Variants in QTRT2 observed in about 807,000 individuals in gnomAD.
QTRT2 encodes queuine tRNA-ribosyltransferase accessory subunit 2, also known as queuine tRNA-ribosyltransferase domain containing 1.
QTRT2 carries 32 observed loss-of-function variants against 44.8 expected under a neutral mutation model. The observed-to-expected ratio is 0.71, with a 90% CI of 0.54 to 0.96. The LOEUF is 0.96. Among genes scored for constraint, QTRT2 ranks in the 40% least tolerant of loss-of-function variants. The pLI is 0.00. For missense variants in QTRT2, 461 were observed against 503.1 expected (o/e 0.92, Z 0.80); for synonymous variants, 182 against 187.4 (o/e 0.97, Z 0.24).
intron 5 of QTRT2, 186 bp downstream of exon 5, chr3:114,068,249 AG>A: frequency 3.7e-6 from 2 of 534,204 alleles, no homozygotes; most frequent in Non-Finnish European, 6.8e-6. Flanking sequence ...GATGAGGTTA[AG>A]ATGAAGAACA....
chr3:114,070,462 G>A (rs2077009850), intron 5 of QTRT2, among the ~76,000 whole-genome samples, 164 bp from the exon 6 acceptor site: 1 of 152,048 alleles, frequency 6.6e-6, no homozygotes, highest in South Asian at 2.1e-4. Flanking sequence ...GACCACTGAA[G>A]GATTATCTGT....
At chr3:114,076,609 C>T in intron 6 of QTRT2, 134 bp from the exon 7 acceptor site, 1 of 734,430 alleles carries the variant, frequency 1.4e-6, no homozygotes, top group Non-Finnish European at 2.3e-6. Flanking sequence ...GGAGGGAGCA[C>T]CATCCCCTTT....
At position 114,058,168 on chromosome 3, in the gene QTRT2, C is replaced by T. The variant is rs541273016; in HGVS notation, c.-22+1062C>T. 2.1e-4 allele frequency among the ~76,000 whole-genome samples: 32 copies of T among 152,192 alleles called. No homozygotes were observed. The South Asian group carries it at 2.5e-3, about 12-fold the overall frequency. On this transcript the variant is annotated intron_variant, in intron 2 of 9. Transcript: ENST00000281273. ...CAGTGCTTAATACATAGTAAATACCCGATAAATGTTAGTTGCTATTATTGT... is the reference window on the plus strand; with the variant it reads ...CAGTGCTTAATACATAGTAAATACCTGATAAATGTTAGTTGCTATTATTGT...
chr3:114,076,819 A>G lies in QTRT2; in HGVS notation c.623A>G (p.Glu208Gly). 1 of 1,614,208 alleles carries G rather than the reference A, an allele frequency of 6.2e-7. No individual in the cohort carries two copies. Among genetic ancestry groups the G allele is most frequent in the Non-Finnish European group, 8.5e-7 (1 of 1,180,026 alleles). Residue 208 changes from glutamate (E) to glycine (G), a missense_variant, in exon 7 of 10, where the codon GAG (glutamate) becomes GGG (glycine). Transcript: ENST00000281273. Reference sequence around the variant, plus strand: ...GAAGAGAGGCTGAGGTCAGCACGAGAGACAGCCAAGCGGCCTGTGGGTGGC... The same window carrying G: ...GAAGAGAGGCTGAGGTCAGCACGAGGGACAGCCAAGCGGCCTGTGGGTGGC... ...VMEERLRSAR[E>G]TAKRPVGGFL...
At chr3:114,060,898 A>T (rs2076878592) in intron 2 of QTRT2, among the ~76,000 whole-genome samples, 1 of 152,154 alleles carries the variant, frequency 6.6e-6, no homozygotes, top group African/African-American at 2.4e-5. Context: ...ACAGCTCCTA[A>T]GTAACTAAGG....
At chr3:114,074,408 T>C (rs1201914054) in intron 6 of QTRT2, among the ~76,000 whole-genome samples, 1 of 152,218 alleles carries the variant, frequency 6.6e-6, no homozygotes, top group Non-Finnish European at 1.5e-5. Context: ...GGACAACTAA[T>C]CAGTCAAGTT....
At chr3:114,065,007 T>C (rs1217834536) in intron 2 of QTRT2, among the ~76,000 whole-genome samples, 1 of 152,214 alleles carries the variant, frequency 6.6e-6, no homozygotes, top group Non-Finnish European at 1.5e-5. Context: ...CATGACTAAA[T>C]TTAAAATTAG....
chr3:114,059,001 C>CA (rs55737120), intron 2 of QTRT2, among the ~76,000 whole-genome samples: 2 of 152,180 alleles, frequency 1.3e-5, no homozygotes, highest in Non-Finnish European at 2.9e-5. Flanking sequence ...TTTCCTTTCA[C>CA]AAAAAATATG....
At chr3:114,058,032 TA>T (rs1436327516) in intron 2 of QTRT2, among the ~76,000 whole-genome samples, 1 of 152,232 alleles carries the variant, frequency 6.6e-6, no homozygotes, top group Non-Finnish European at 1.5e-5. Context: ...CTCTGCCACT[TA>T]CCAGCTGGGG....
At chr3:114,068,777 G>A (rs2076986567) in intron 5 of QTRT2, among the ~76,000 whole-genome samples, 1 of 152,104 alleles carries the variant, frequency 6.6e-6, no homozygotes, top group African/African-American at 2.4e-5. Context: ...GCTGGGTATG[G>A]TGGCTCATGC....
chr3:114,060,496 GTAGA>G (rs71146305), intron 2 of QTRT2, among the ~76,000 whole-genome samples: 34,246 of 143,416 alleles, frequency 0.24, 4,154 homozygotes, highest in Non-Finnish European at 0.26. Context: ...AGGTAGGTAG[GTAGA>G]TAGATAGATA....
At chr3:114,085,224 T>C (rs185079685) in intron 9 of QTRT2, among the ~76,000 whole-genome samples, 1 of 152,266 alleles carries the variant, frequency 6.6e-6, no homozygotes, top group Non-Finnish European at 1.5e-5. Context: ...TTTTTCTTTT[T>C]TGAGATGGAG....
intron 6 of QTRT2, among the ~76,000 whole-genome samples, chr3:114,075,643 G>A (rs1385940358): frequency 1.3e-5 from 2 of 151,646 alleles, no homozygotes; most frequent in Non-Finnish European, 2.9e-5. Context: ...CGAGTAACTG[G>A]GACTACAGGT....
chr3:114,082,651 A>G (rs2077182268), intron 8 of QTRT2, 26 bp from the exon 9 acceptor site: 5 of 895,322 alleles, frequency 5.6e-6, no homozygotes, highest in Non-Finnish European at 8.8e-6. Context: ...TCATCATTCA[A>G]GCCTTTTTAT....
chr3:114,079,390 A>G (rs918180832), intron 7 of QTRT2: 10 of 152,834 alleles, frequency 6.5e-5, no homozygotes, highest in African/African-American at 2.4e-4. Context: ...AAAAATATAA[A>G]AATTGGCTGG....
intron 5 of QTRT2, among the ~76,000 whole-genome samples, 199 bp from the exon 6 acceptor site, chr3:114,070,426 TG>T (rs1192719293): frequency 6.6e-6 from 1 of 151,996 alleles, no homozygotes; most frequent in Non-Finnish European, 1.5e-5. Flanking sequence ...GAATTCTTGG[TG>T]GGTAGCTCAA....
At chr3:114,058,342 A>G (rs1303665521) in intron 2 of QTRT2, among the ~76,000 whole-genome samples, 1 of 151,406 alleles carries the variant, frequency 6.6e-6, no homozygotes, top group African/African-American at 2.4e-5. Context: ...TTATCTTCCC[A>G]CTTCCCTCTC....
intron 2 of QTRT2, among the ~76,000 whole-genome samples, chr3:114,057,942 T>A (rs1273895844): frequency 6.6e-6 from 1 of 152,210 alleles, no homozygotes; most frequent in Non-Finnish European, 1.5e-5. Context: ...TGTGCTTGTG[T>A]ACCAGATGGA....
At chr3:114,066,144 G>C in intron 3 of QTRT2, 84 bp from the exon 4 acceptor site, 2 of 918,816 alleles carry the variant, frequency 2.2e-6, no homozygotes, top group Non-Finnish European at 3.5e-6. Flanking sequence ...ACTTATTTGG[G>C]TGAGGAGAAG....
Sources: gnomAD v4.1 joint callset for allele counts (sites outside exome capture counted in the v4.1 genomes callset) on GRCh38, gnomAD v4.1.1 for gene constraint, MANE v1.5 for transcripts, NCBI Gene and HGNC (gene_info 2026-07-23, HGNC 2026-07-21) for gene names.